Variants in FRAS1 observed in about 807,000 individuals in gnomAD.
FRAS1 encodes the protein Fraser extracellular matrix complex subunit 1, also known as extracellular matrix organizing protein FRAS1.
A neutral mutation model predicts 435.2 loss-of-function variants in FRAS1; 290 were observed. The observed-to-expected ratio is 0.67, with a 90% CI of 0.61 to 0.73. FRAS1 has a LOEUF of 0.73. FRAS1 is among the 30% of genes least tolerant of loss of function. FRAS1 has a pLI of 0.00. For missense variants in FRAS1, 4,860 were observed against 5,001.5 expected (o/e 0.97, Z 0.85); for synonymous variants, 1,800 against 1,851.0 (o/e 0.97, Z 0.71).
intron 54 of FRAS1, among the ~76,000 whole-genome samples, chr4:78,477,606 TA>T (rs1376442910): frequency 6.6e-6 from 1 of 152,182 alleles, no homozygotes; most frequent in Non-Finnish European, 1.5e-5. Context: ...CCTTATACAA[TA>T]AAGCAGCCCT....
chr4:78,181,562 A>G, intron 2 of FRAS1: 4 of 1,611,494 alleles, frequency 2.5e-6, no homozygotes, highest in Non-Finnish European at 3.4e-6. Flanking sequence ...ACGACCTCGA[A>G]TAGGTCGGTC....
intron 22 of FRAS1, among the ~76,000 whole-genome samples, chr4:78,364,616 GATTA>G (rs1731194449): frequency 6.6e-6 from 1 of 152,132 alleles, no homozygotes; most frequent in East Asian, 1.9e-4. Context: ...GTCAGAATAT[GATTA>G]ATTACCTTGA....
At chr4:78,112,633 T>C (rs1218655771) in intron 2 of FRAS1, among the ~76,000 whole-genome samples, 1 of 152,110 alleles carries the variant, frequency 6.6e-6, no homozygotes, top group African/African-American at 2.4e-5. Flanking sequence ...ACGGATTTTG[T>C]ACATGGCTAC....
In FRAS1 at chr4:78,541,380, T is replaced by A; in HGVS notation, c.*256T>A. On this transcript the variant is annotated 3_prime_UTR_variant, in exon 74 of 74. Coordinates refer to ENST00000512123, the MANE Select transcript of FRAS1 (RefSeq NM_025074.7). Reference sequence around the variant, plus strand: ...CTGTACACAGCTCCTTCTGTAAGGCTGGTCTTAGAAAACAAGTACTTTAGT... The same window carrying A: ...CTGTACACAGCTCCTTCTGTAAGGCAGGTCTTAGAAAACAAGTACTTTAGT... The A allele has an allele frequency of 3.2e-6, 1 of 313,890 alleles. No homozygotes were observed. The highest frequency in any genetic ancestry group is 5.0e-5 in the East Asian group (1 of 19,918). 19.4% of individuals were successfully genotyped at this position (313,890 alleles called of 1,614,324 possible).
At chr4:78,128,949 A>T (rs1208853931) in intron 2 of FRAS1, among the ~76,000 whole-genome samples, 2 of 152,174 alleles carry the variant, frequency 1.3e-5, no homozygotes, top group Admixed American at 6.5e-5. Flanking sequence ...TAAGGAAGGG[A>T]TCCAGTTTCA....
chr4:78,224,012 T>G (rs1382808459), intron 2 of FRAS1, among the ~76,000 whole-genome samples: 1 of 152,172 alleles, frequency 6.6e-6, no homozygotes. Context: ...GTGGAGAAAC[T>G]GTTTTTATTT....
intron 36 of FRAS1, among the ~76,000 whole-genome samples, chr4:78,429,703 TA>T (rs1457145564): frequency 6.6e-6 from 1 of 152,262 alleles, no homozygotes; most frequent in African/African-American, 2.4e-5. Context: ...TGTATTCTTT[TA>T]TCAAGAACAT....
chr4:78,359,005 C>T (rs1272654609), intron 20 of FRAS1, among the ~76,000 whole-genome samples: 1 of 152,100 alleles, frequency 6.6e-6, no homozygotes, highest in South Asian at 2.1e-4. Context: ...AAAATGTCAT[C>T]GTTAGTAGTT....
chr4:78,170,858 A>G (rs1336549979), intron 2 of FRAS1, among the ~76,000 whole-genome samples: 1 of 151,872 alleles, frequency 6.6e-6, no homozygotes, highest in Non-Finnish European at 1.5e-5. Flanking sequence ...CCTCAGGTGA[A>G]ATTGCTCTGC....
At chr4:78,340,184 C>T (rs1238453397) in intron 20 of FRAS1, among the ~76,000 whole-genome samples, 39 of 152,176 alleles carry the variant, frequency 2.6e-4, no homozygotes, top group Non-Finnish European at 1.5e-5. Flanking sequence ...CTGAGCTAAA[C>T]AACTCTGGAA....
intron 2 of FRAS1, among the ~76,000 whole-genome samples, chr4:78,120,244 C>T (rs921107601): frequency 1.3e-5 from 2 of 152,074 alleles, no homozygotes; most frequent in Non-Finnish European, 2.9e-5. Flanking sequence ...CAACAACAAA[C>T]CTTGTTTATG....
At chr4:78,155,192 C>G (rs373350479) in intron 2 of FRAS1, among the ~76,000 whole-genome samples, 1 of 152,116 alleles carries the variant, frequency 6.6e-6, no homozygotes, top group Non-Finnish European at 1.5e-5. Flanking sequence ...AGTGGGTTTT[C>G]GGTCATGTTT....
At chr4:78,184,957 G>C (rs1029350955) in intron 2 of FRAS1, among the ~76,000 whole-genome samples, 3 of 152,172 alleles carry the variant, frequency 2.0e-5, no homozygotes. Context: ...GCCTAGCCCT[G>C]TTGACATGAA....
intron 59 of FRAS1, among the ~76,000 whole-genome samples, chr4:78,490,128 C>A (rs1017807985): frequency 1.3e-5 from 2 of 152,048 alleles, no homozygotes; most frequent in African/African-American, 4.8e-5. Flanking sequence ...AATATATATG[C>A]ACCCAATACA....
At position 78,118,148 on chromosome 4, in the gene FRAS1, A is replaced by G. The variant is rs1718767326; in HGVS notation, c.108+52132A>G. Among the ~76,000 whole-genome samples the G allele has an allele frequency of 2.0e-5, 3 of 152,294 alleles. No individual in the cohort carries two copies. In the South Asian group the frequency reaches 6.2e-4, roughly 32 times the overall value. The stretch of plus-strand genomic sequence containing the variant: ...CAGCGGAGCCTGCAGAACAGCAGAT[A>G]TTGGTGAACAGCAAATGTTGCTGCC... On this transcript the variant is annotated intron_variant, in intron 2 of 73. Coordinates refer to ENST00000512123, the MANE Select transcript of FRAS1 (RefSeq NM_025074.7).
intron 2 of FRAS1, among the ~76,000 whole-genome samples, chr4:78,072,533 T>C (rs1740409864): frequency 6.6e-6 from 1 of 152,096 alleles, no homozygotes; most frequent in Non-Finnish European, 1.5e-5. Context: ...CTTGAACTTC[T>C]CCAGCAGTGG....
At chr4:78,181,782 C>T in intron 2 of FRAS1, 1 of 1,611,086 alleles carries the variant, frequency 6.2e-7, no homozygotes, top group South Asian at 1.1e-5. Flanking sequence ...TTCTTGTCAA[C>T]CACGCCAACG....
chr4:78,540,130 T>C (rs1160405866), intron 73 of FRAS1, among the ~76,000 whole-genome samples: 1 of 152,218 alleles, frequency 6.6e-6, no homozygotes, highest in East Asian at 1.9e-4. Flanking sequence ...TTCGCTGAAG[T>C]TCACCAATAA....
intron 2 of FRAS1, among the ~76,000 whole-genome samples, chr4:78,163,091 G>A (rs1721205369): frequency 6.6e-6 from 1 of 152,206 alleles, no homozygotes; most frequent in African/African-American, 2.4e-5. Context: ...AACATTTCAT[G>A]TATTGCTGTT....
Sources: allele counts gnomAD v4.1 joint callset (sites outside exome capture counted in the v4.1 genomes callset), GRCh38; gene constraint gnomAD v4.1.1; transcripts MANE v1.5; gene names NCBI Gene and HGNC (gene_info 2026-07-23, HGNC 2026-07-21).